ADCK1: variants seen among roughly 807,000 people sequenced by gnomAD.
The protein encoded by ADCK1 is aarF domain containing kinase 1, also known as aarF domain-containing protein kinase 1.
In ADCK1, 41 loss-of-function variants were observed where a neutral mutation model predicts 52.3. The ratio of observed to expected loss-of-function variants is 0.78; its 90% CI spans 0.61 to 1.02. The LOEUF (loss-of-function observed/expected upper bound fraction) is 1.02. ADCK1 is among the 50% of genes least tolerant of loss of function. ADCK1 has a pLI of 0.00. For synonymous variants in ADCK1, 250 were observed against 274.6 expected (o/e 0.91, Z 0.89); for missense variants, 658 against 679.5 (o/e 0.97, Z 0.35).
intron 1 of ADCK1, among the ~76,000 whole-genome samples, chr14:77,814,071 T>A (rs1479406740): frequency 6.8e-6 from 1 of 146,354 alleles, no homozygotes; most frequent in East Asian, 2.0e-4. Context: ...CCGAGCCTTA[T>A]TTTTTTTTTT....
At chr14:77,850,082 C>T (rs2082251518) in intron 3 of ADCK1, among the ~76,000 whole-genome samples, 3 of 152,118 alleles carry the variant, frequency 2.0e-5, no homozygotes. Context: ...TGGTGTGTGC[C>T]TGTAGTCTCA....
At chr14:77,826,453 AG>A (rs1253088520) in intron 3 of ADCK1, among the ~76,000 whole-genome samples, 1 of 152,206 alleles carries the variant, frequency 6.6e-6, no homozygotes, top group Non-Finnish European at 1.5e-5. Context: ...ATCTGGAACC[AG>A]AGGGCTAAGA....
intron 4 of ADCK1, 132 bp downstream of exon 4, chr14:77,859,411 C>T: frequency 1.1e-6 from 1 of 870,530 alleles, no homozygotes; most frequent in Non-Finnish European, 1.7e-6. Context: ...CAGCCACTCT[C>T]AGTGCTGAAA....
At chr14:77,864,979 A>G (rs989102709) in intron 4 of ADCK1, among the ~76,000 whole-genome samples, 6 of 152,130 alleles carry the variant, frequency 3.9e-5, no homozygotes, top group Non-Finnish European at 7.3e-5. Flanking sequence ...TTCAAAGTCC[A>G]CTAATATAAC....
chr14:77,845,452 T>C (rs1004365608), intron 3 of ADCK1, among the ~76,000 whole-genome samples: 26 of 152,170 alleles, frequency 1.7e-4, no homozygotes, highest in African/African-American at 5.8e-4. Context: ...AGACTGGGTC[T>C]TGCTCTGTCA....
intron 3 of ADCK1, among the ~76,000 whole-genome samples, chr14:77,848,837 T>G (rs1433403052): frequency 6.6e-6 from 1 of 151,770 alleles, no homozygotes; most frequent in African/African-American, 2.4e-5. Flanking sequence ...AATTTTTTTT[T>G]TTTTTTGAGA....
chr14:77,813,778 G>GT lies in ADCK1; in HGVS notation c.-11-5180dup, dbSNP rs372653416. Among the ~76,000 whole-genome samples the GT allele has an allele frequency of 5.9e-3, 833 of 142,174 alleles. 7 individuals are homozygous for GT. Among genetic ancestry groups the GT allele is most frequent in the African/African-American group, 0.017 (667 of 38,826 alleles). The allele number at this position is 142,174 out of a possible 152,430, so 93.3% of individuals were successfully genotyped here. A position where few individuals can be genotyped will look rare whatever the true frequency, so the allele number is the denominator to read the frequency against. ...CTCTTTGTTTTCCTGTTTTTTTTTT[G>GT]TTTTTTTTTTGAGGAGTCTCATGCT... On this transcript the variant is annotated intron_variant, in intron 1 of 10. Transcript: ENST00000238561.
intron 1 of ADCK1, among the ~76,000 whole-genome samples, chr14:77,816,982 C>G (rs1370248583): frequency 6.6e-6 from 1 of 150,912 alleles, no homozygotes; most frequent in Non-Finnish European, 1.5e-5. Flanking sequence ...TGGCTCACAC[C>G]TGTAATCCCA....
In ADCK1 at chr14:77,921,326, C is replaced by CAAAAAAAAAAAAAAAAAA. The variant is rs756056466; in HGVS notation, c.859-3126_859-3109dup. Among the ~76,000 whole-genome samples, 51 of 41,204 alleles carry CAAAAAAAAAAAAAAAAAA rather than the reference C, an allele frequency of 1.2e-3. 1 individual carries two copies. Among genetic ancestry groups the CAAAAAAAAAAAAAAAAAA allele is most frequent in the East Asian group, 7.5e-3 (4 of 530 alleles). 27.0% of individuals were successfully genotyped at this position (41,204 alleles called of 152,430 possible). On this transcript the variant is annotated intron_variant, in intron 7 of 10. Coordinates refer to ENST00000238561, the MANE Select transcript of ADCK1 (RefSeq NM_020421.4). ...TGGGCGACAGAGTGAGACTCTGTCT[C>CAAAAAAAAAAAAAAAAAA]AAAAAAAAAAAAAAAAAAAAAAGAA...
chr14:77,886,768 G>A (rs2083156681), intron 4 of ADCK1, among the ~76,000 whole-genome samples: 1 of 152,146 alleles, frequency 6.6e-6, no homozygotes, highest in African/African-American at 2.4e-5. Flanking sequence ...TTAGCTGGGT[G>A]TGATGTCACA....
At chr14:77,806,836 T>C (rs2081234373) in intron 1 of ADCK1, among the ~76,000 whole-genome samples, 1 of 152,022 alleles carries the variant, frequency 6.6e-6, no homozygotes, top group African/African-American at 2.4e-5. Flanking sequence ...TGCCTCAGCC[T>C]CCTGAGTAGC....
At chr14:77,914,143 T>C (rs2140272436) in intron 7 of ADCK1, among the ~76,000 whole-genome samples, 1 of 152,328 alleles carries the variant, frequency 6.6e-6, no homozygotes, top group East Asian at 1.9e-4. Flanking sequence ...GTAATAATTA[T>C]AAAGCTCTCC....
At chr14:77,896,152 A>G (rs2083404607) in intron 5 of ADCK1, among the ~76,000 whole-genome samples, 1 of 152,250 alleles carries the variant, frequency 6.6e-6, no homozygotes, top group African/African-American at 2.4e-5. Flanking sequence ...AGTATTAATA[A>G]TGACTAATTA....
intron 1 of ADCK1, among the ~76,000 whole-genome samples, chr14:77,811,227 T>C (rs1343111711): frequency 6.6e-6 from 1 of 152,036 alleles, no homozygotes; most frequent in East Asian, 1.9e-4. Flanking sequence ...ATAATGATAA[T>C]AATACTAATG....
chr14:77,877,444 T>C (rs1415477276), intron 4 of ADCK1, among the ~76,000 whole-genome samples: 1 of 152,132 alleles, frequency 6.6e-6, no homozygotes, highest in Non-Finnish European at 1.5e-5. Context: ...GAGGGTGAGC[T>C]TGTCAGGTTT....
chr14:77,853,594 C>T (rs978813684), intron 3 of ADCK1, among the ~76,000 whole-genome samples: 1 of 152,118 alleles, frequency 6.6e-6, no homozygotes, highest in African/African-American at 2.4e-5. Flanking sequence ...ATTACTGACG[C>T]AAGGCCCTTC....
chr14:77,928,423 G>A (rs1223850179), intron 9 of ADCK1, among the ~76,000 whole-genome samples: 1 of 151,804 alleles, frequency 6.6e-6, no homozygotes, highest in African/African-American at 2.4e-5. Context: ...TAGGTTCTCA[G>A]TATATTTGTT....
intron 6 of ADCK1, among the ~76,000 whole-genome samples, chr14:77,905,301 CTGGTT>C (rs2083635515): frequency 1.3e-5 from 1 of 77,396 alleles, no homozygotes; most frequent in African/African-American, 6.0e-5. Context: ...TCTTTCCTAG[CTGGTT>C]TTTTTTTTTT....
At chr14:77,883,276 G>A (rs1263853024) in intron 4 of ADCK1, among the ~76,000 whole-genome samples, 1 of 151,970 alleles carries the variant, frequency 6.6e-6, no homozygotes, top group African/African-American at 2.4e-5. Context: ...GTGACTGGAG[G>A]CAGCTGAGGG....
Sources: allele counts gnomAD v4.1 joint callset (sites outside exome capture counted in the v4.1 genomes callset), GRCh38; gene constraint gnomAD v4.1.1; transcripts MANE v1.5; gene names NCBI Gene and HGNC (gene_info 2026-07-23, HGNC 2026-07-21).